The following DIP2C variants were observed in gnomAD, a reference collection of about 807,000 sequenced individuals.
The protein encoded by DIP2C is DIP2 acetate--CoA ligase C (putative).
DIP2C carries 33 observed loss-of-function variants against 192.4 expected under a neutral mutation model. The observed-to-expected ratio is 0.17, with a 90% CI of 0.13 to 0.23. The LOEUF (loss-of-function observed/expected upper bound fraction) is 0.23, where lower values mean the gene tolerates loss of function less well. Ranked by LOEUF, DIP2C falls within the 10% of genes least tolerant of loss-of-function variation. DIP2C has a pLI of 1.00. For missense variants in DIP2C, 1,537 were observed against 2,110.1 expected (o/e 0.73, Z 5.32); for synonymous variants, 979 against 864.1 (o/e 1.13, Z -2.33).
intron 3 of DIP2C, among the ~76,000 whole-genome samples, chr10:451,170 C>T (rs1968815473): frequency 6.6e-6 from 1 of 152,198 alleles, no homozygotes; most frequent in South Asian, 2.1e-4. Context: ...GGCGTACGTA[C>T]ACCTGGTATA....
intron 18 of DIP2C, 123 bp downstream of exon 18, chr10:369,371 G>GAACAA (rs1478263877): frequency 8.2e-6 from 10 of 1,223,800 alleles, no homozygotes; most frequent in Admixed American, 2.7e-5. Flanking sequence ...GACTGGGAGT[G>GAACAA]AGGCTCTCAG....
intron 1 of DIP2C, among the ~76,000 whole-genome samples, chr10:523,286 G>GA (rs1387627060): frequency 6.6e-6 from 1 of 151,904 alleles, no homozygotes; most frequent in African/African-American, 2.4e-5. Flanking sequence ...AAGGACCCTG[G>GA]AGTGAGGATG....
At chr10:293,592 G>A (rs1483003377) in intron 32 of DIP2C, among the ~76,000 whole-genome samples, 1 of 152,220 alleles carries the variant, frequency 6.6e-6, no homozygotes, top group South Asian at 2.1e-4. Flanking sequence ...TGCTGTGACT[G>A]AGTCTAGTCT....
intron 9 of DIP2C, among the ~76,000 whole-genome samples, chr10:402,375 C>T (rs1276488922): frequency 1.8e-4 from 2 of 11,060 alleles, no homozygotes; most frequent in African/African-American, 2.0e-4. Context: ...TTTTCATCAG[C>T]ACATGAATCC....
chr10:467,773 G>A (rs969766170), intron 3 of DIP2C, among the ~76,000 whole-genome samples: 15 of 151,910 alleles, frequency 9.9e-5, no homozygotes, highest in Non-Finnish European at 2.1e-4. Context: ...TGGACACAGG[G>A]AGGGGAACAT....
chr10:598,322 A>ACATTTCC, intron 1 of DIP2C, among the ~76,000 whole-genome samples: 1 of 152,294 alleles, frequency 6.6e-6, no homozygotes, highest in East Asian at 1.9e-4. Context: ...AGCTGCGATC[A>ACATTTCC]CATTTCCCAT....
At chr10:584,297 T>C (rs924615981) in intron 1 of DIP2C, among the ~76,000 whole-genome samples, 6 of 152,238 alleles carry the variant, frequency 3.9e-5, no homozygotes, top group Non-Finnish European at 8.8e-5. Context: ...CCTGTTGAAA[T>C]GTTTTAGCTA....
chr10:480,047 C>T (rs1453292755), intron 2 of DIP2C, among the ~76,000 whole-genome samples: 4 of 137,426 alleles, frequency 2.9e-5, no homozygotes, highest in African/African-American at 8.4e-5. Flanking sequence ...CAGCCTGAGA[C>T]CCGGTTCACG....
chr10:631,312 T>C (rs915349373), intron 1 of DIP2C: 4 of 152,232 alleles, frequency 2.6e-5, no homozygotes, highest in African/African-American at 9.7e-5. Context: ...GAGGTTTCCT[T>C]CCACCCACTG....
At chr10:448,584 TCACA>T (rs1412731228) in intron 3 of DIP2C, among the ~76,000 whole-genome samples, 1 of 118,210 alleles carries the variant, frequency 8.5e-6, no homozygotes, top group East Asian at 2.7e-4. Flanking sequence ...ATACTCAGGA[TCACA>T]CACAGTGGGG....
rs368919482 is a variant in DIP2C at position 585,190 on chromosome 10, G to A, written c.86-98660C>T. On this transcript the variant is annotated intron_variant, in intron 1 of 36. Transcript: ENST00000280886. ...GACCTCTATGAGCCCGGAGAACACC[G>A]ACGTTTGTGTAGACACTTTCCCACT... Among the ~76,000 whole-genome samples the A allele has an allele frequency of 6.6e-5, 10 of 152,276 alleles. No homozygotes were observed. In the East Asian group the frequency reaches 1.4e-3, roughly 21 times the overall value.
chr10:336,805 C>T (rs141763347), intron 29 of DIP2C, among the ~76,000 whole-genome samples: 1 of 151,562 alleles, frequency 6.6e-6, no homozygotes, highest in Non-Finnish European at 1.5e-5. Context: ...CACTGAACAC[C>T]CTGGCCCTGT....
intron 1 of DIP2C, among the ~76,000 whole-genome samples, chr10:624,135 A>C (rs1234689783): frequency 6.6e-6 from 1 of 152,322 alleles, no homozygotes; most frequent in East Asian, 1.9e-4. Context: ...TGACCAGAGA[A>C]GGGAGCCGCA....
intron 1 of DIP2C, among the ~76,000 whole-genome samples, chr10:606,640 C>T (rs1852506167): frequency 6.6e-6 from 1 of 152,208 alleles, no homozygotes; most frequent in African/African-American, 2.4e-5. Flanking sequence ...GATCTCATGG[C>T]CCCACTGCTG....
intron 31 of DIP2C, among the ~76,000 whole-genome samples, chr10:317,663 G>T (rs1039050245): frequency 2.6e-5 from 4 of 152,230 alleles, no homozygotes; most frequent in Non-Finnish European, 5.9e-5. Flanking sequence ...ACTTGAAGCT[G>T]TGCAGTTACA....
chr10:595,785 A>G (rs1851667410), intron 1 of DIP2C, among the ~76,000 whole-genome samples: 1 of 152,186 alleles, frequency 6.6e-6, no homozygotes, highest in Non-Finnish European at 1.5e-5. Context: ...TGGGAAAAAA[A>G]ATTAACGTAA....
chr10:409,465 T>C (rs971223918), intron 8 of DIP2C, among the ~76,000 whole-genome samples: 1 of 151,768 alleles, frequency 6.6e-6, no homozygotes. Context: ...TCAAGAGGAG[T>C]AAAAGCAATG....
At chr10:331,881 G>A (rs1008916805) in intron 29 of DIP2C, among the ~76,000 whole-genome samples, 1 of 151,258 alleles carries the variant, frequency 6.6e-6, no homozygotes, top group Non-Finnish European at 1.5e-5. Context: ...AAATTTTACT[G>A]TGGTAAAACA....
intron 1 of DIP2C, among the ~76,000 whole-genome samples, chr10:568,285 C>T (rs942699869): frequency 8.5e-5 from 13 of 152,218 alleles, no homozygotes; most frequent in Non-Finnish European, 1.8e-4. Context: ...ACCTGCAGTG[C>T]TTTCTCCTTG....
Sources: gnomAD v4.1 joint callset for allele counts (sites outside exome capture counted in the v4.1 genomes callset) on GRCh38, gnomAD v4.1.1 for gene constraint, MANE v1.5 for transcripts, NCBI Gene and HGNC (gene_info 2026-07-23, HGNC 2026-07-21) for gene names.